Variants in LARP1B observed in about 807,000 individuals in gnomAD.
LARP1B encodes the protein La ribonucleoprotein 1B.
A neutral mutation model predicts 114.2 loss-of-function variants in LARP1B; 76 were observed. The observed-to-expected ratio is 0.67, with a 90% confidence interval of 0.55 to 0.81. The LOEUF (loss-of-function observed/expected upper bound fraction) is 0.81, where lower values mean the gene tolerates loss of function less well. Ranked by LOEUF, LARP1B falls within the 30% of genes least tolerant of loss-of-function variation. LARP1B has a pLI of 0.00. For missense variants in LARP1B, 1,014 were observed against 1,075.8 expected (o/e 0.94, Z 0.80); for synonymous variants, 345 against 348.0 (o/e 0.99, Z 0.10).
At chr4:128,151,757 C>G (rs1421365972) in intron 11 of LARP1B, among the ~76,000 whole-genome samples, 1 of 151,980 alleles carries the variant, frequency 6.6e-6, no homozygotes, top group African/African-American at 2.4e-5. Context: ...CATGCACTAC[C>G]ATGTCTGGCT....
In LARP1B at chr4:128,211,234, G is replaced by GTT. The variant is rs1252207671; in HGVS notation, c.*1183_*1184dup. 3.2e-6 allele frequency: 3 copies of GTT among 948,240 alleles called. No homozygotes were observed. The highest frequency in any genetic ancestry group is 3.8e-6 in the Non-Finnish European group (3 of 796,246). 58.7% of individuals were successfully genotyped at this position (948,240 alleles called of 1,614,324 possible). A position where few individuals can be genotyped will look rare whatever the true frequency, so the allele number is the denominator to read the frequency against. On this transcript the variant is annotated 3_prime_UTR_variant, in exon 20 of 20. Transcript: ENST00000326639. Reference sequence around the variant, plus strand: ...AAGACCATTTTTTTGTGTGAATGAAGTTTCAATTATAAACTTACATTCACT... The same window carrying GTT: ...AAGACCATTTTTTTGTGTGAATGAAGTTTTTCAATTATAAACTTACATTCACT...
At chr4:128,157,156 A>C (rs976115448) in intron 11 of LARP1B, among the ~76,000 whole-genome samples, 1 of 152,194 alleles carries the variant, frequency 6.6e-6, no homozygotes, top group African/African-American at 2.4e-5. Context: ...AAAAGATAAG[A>C]TGGAGAATTT....
intron 17 of LARP1B, among the ~76,000 whole-genome samples, 179 bp downstream of exon 17, chr4:128,200,844 GT>G (rs527539831): frequency 1.4e-3 from 208 of 152,290 alleles, no homozygotes; most frequent in Non-Finnish European, 2.2e-3. Flanking sequence ...ACCTGTATTA[GT>G]TTTCTATTTC....
At chr4:128,068,364 G>C (rs1763884920) in intron 1 of LARP1B, among the ~76,000 whole-genome samples, 3 of 151,192 alleles carry the variant, frequency 2.0e-5, no homozygotes, top group South Asian at 4.2e-4. Context: ...ACCCAGGCTA[G>C]CGTAGGAGTA....
At chr4:128,110,470 G>A (rs1290561829) in intron 9 of LARP1B, among the ~76,000 whole-genome samples, 3 of 149,932 alleles carry the variant, frequency 2.0e-5, no homozygotes, top group Non-Finnish European at 4.4e-5. Context: ...TCAGGAGATC[G>A]AGACCATCCC....
chr4:128,142,505 T>C (rs546111915), intron 11 of LARP1B, among the ~76,000 whole-genome samples: 1 of 151,928 alleles, frequency 6.6e-6, no homozygotes, highest in South Asian at 2.1e-4. Context: ...GTTGTATATT[T>C]CTTTCTTTTT....
At position 128,110,676 on chromosome 4, in the gene LARP1B, CAA is replaced by C. The variant is rs544129662; in HGVS notation, c.988+3379_988+3380del. Among the ~76,000 whole-genome samples the C allele has an allele frequency of 2.8e-4, 9 of 32,432 alleles. 2 individuals are homozygous for C. The highest frequency in any genetic ancestry group is 6.6e-4 in the African/African-American group (4 of 6,052). The allele number at this position is 32,432 out of a possible 152,430, so 21.3% of individuals were successfully genotyped here. A position where few individuals can be genotyped will look rare whatever the true frequency, so the allele number is the denominator to read the frequency against. On this transcript the variant is annotated intron_variant, in intron 9 of 19. Transcript: ENST00000326639. ...TGGGCGACAGAGCGAGACTCCGTCT[CAA>C]AAAAAAAAAAAAAAAGATGCAGCAG...
chr4:128,196,443 C>G (rs1754146567), intron 15 of LARP1B, among the ~76,000 whole-genome samples: 1 of 151,758 alleles, frequency 6.6e-6, no homozygotes, highest in Non-Finnish European at 1.5e-5. Context: ...TGCCTGAACC[C>G]AGGAGGTTGA....
At chr4:128,172,634 G>A (rs191124128) in intron 12 of LARP1B, among the ~76,000 whole-genome samples, 138 of 151,910 alleles carry the variant, frequency 9.1e-4, no homozygotes, top group African/African-American at 3.0e-3. Flanking sequence ...TAGAGGTTGC[G>A]GTGAGCCAAG....
At chr4:128,170,700 C>T (rs749051526) in intron 12 of LARP1B, among the ~76,000 whole-genome samples, 6 of 151,954 alleles carry the variant, frequency 3.9e-5, no homozygotes, top group African/African-American at 7.2e-5. Context: ...TTACTTTTAA[C>T]GTACCCATAT....
In LARP1B at chr4:128,200,682, T is replaced by G. The variant is rs897990453; in HGVS notation, c.2309+17T>G. 9.0e-6 allele frequency: 14 copies of G among 1,547,030 alleles called. No individual in the cohort carries two copies. The highest frequency in any genetic ancestry group is 1.1e-5 in the Non-Finnish European group (13 of 1,140,502). On this transcript the variant is annotated intron_variant, in intron 17 of 19. Transcript: ENST00000326639. ...AAATTACAGGTCAGATATTTTCTTT[T>G]ACACTTCAAGGGAGTTTTATTATTT...
At chr4:128,122,383 C>G in intron 11 of LARP1B, 195 bp downstream of exon 11, 5 of 1,460,176 alleles carry the variant, frequency 3.4e-6, no homozygotes, top group Non-Finnish European at 4.5e-6. Context: ...AAAGTAACAG[C>G]GTGATGAATA....
Position 128,068,176 on chromosome 4 carries a change from G to A in LARP1B, c.-77-6284G>A, listed in dbSNP as rs528772196. Among the ~76,000 whole-genome samples the A allele has an allele frequency of 4.6e-5, 7 of 152,180 alleles. No homozygotes were observed. The South Asian group carries it at 6.2e-4, about 14-fold the overall frequency. On this transcript the variant is annotated intron_variant, in intron 1 of 19. Coordinates refer to ENST00000326639, the MANE Select transcript of LARP1B (RefSeq NM_018078.4). ...ATTATAGGCGTGAGCCACTGCGCCC[G>A]GCCAATAATTTTTGTATATTTAGTA...
chr4:128,077,967 GT>G lies in LARP1B; in HGVS notation c.217+8del. ...CAAGTAATCAACGTAAGAGAGGTCA[GT>G]TTGTCCATATCTTTATTTTGATTTT... On this transcript the variant is annotated splice_donor_region_variant and intron_variant, in intron 4 of 19. Coordinates refer to ENST00000326639, the MANE Select transcript of LARP1B (RefSeq NM_018078.4). 2 of 1,535,142 alleles carry G rather than the reference GT, an allele frequency of 1.3e-6. No individual in the cohort carries two copies. The highest frequency in any genetic ancestry group is 2.6e-5 in the South Asian group (2 of 76,256).
intron 14 of LARP1B, 67 bp from the exon 15 acceptor site, chr4:128,179,339 G>A: frequency 2.1e-6 from 2 of 943,854 alleles, no homozygotes; most frequent in Non-Finnish European, 1.6e-6. Context: ...TAGTCAGAGG[G>A]TTTTAATTTA....
chr4:128,188,775 GT>G (rs1235717920), intron 15 of LARP1B, among the ~76,000 whole-genome samples: 1 of 152,172 alleles, frequency 6.6e-6, no homozygotes, highest in African/African-American at 2.4e-5. Flanking sequence ...TCAGGAGCAT[GT>G]TGTTTAATTT....
intron 4 of LARP1B, 91 bp from the exon 5 acceptor site, chr4:128,082,074 A>G (rs779798176): frequency 8.6e-7 from 1 of 1,157,262 alleles, no homozygotes; most frequent in Non-Finnish European, 1.3e-6. Flanking sequence ...TAAGTGTTTC[A>G]CTTATTTGAT....
chr4:128,098,448 C>T (rs1267822141), intron 8 of LARP1B, 118 bp downstream of exon 8: 1 of 731,544 alleles, frequency 1.4e-6, no homozygotes, highest in African/African-American at 1.8e-5. Flanking sequence ...GAGGCTCAGA[C>T]AGCATTCCAT....
chr4:128,163,768 A>G (rs552397001), intron 12 of LARP1B, among the ~76,000 whole-genome samples: 1 of 148,600 alleles, frequency 6.7e-6, no homozygotes, highest in Non-Finnish European at 1.5e-5. Flanking sequence ...TATTACAGTT[A>G]TTATTATTAT....
Sources: allele counts gnomAD v4.1 joint callset (sites outside exome capture counted in the v4.1 genomes callset), GRCh38; gene constraint gnomAD v4.1.1; transcripts MANE v1.5; gene names NCBI Gene and HGNC (gene_info 2026-07-23, HGNC 2026-07-21).